Variants in DHX32 observed in about 807,000 individuals in gnomAD.
The protein encoded by DHX32 is DEAH-box helicase 32 (putative).
A neutral mutation model predicts 70.0 loss-of-function variants in DHX32; 51 were observed. The ratio of observed to expected loss-of-function variants is 0.73; its 90% CI spans 0.58 to 0.92. The LOEUF (loss-of-function observed/expected upper bound fraction) is 0.92. Ranked by LOEUF, DHX32 falls within the 40% of genes least tolerant of loss-of-function variation. The pLI, the probability that DHX32 is intolerant of heterozygous loss-of-function variation, is 0.00. For missense variants in DHX32, 762 were observed against 891.8 expected, an observed-to-expected ratio of 0.85 and a Z score of 1.85; for synonymous variants, 310 against 315.3, an observed-to-expected ratio of 0.98 and a Z score of 0.18.
chr10:125,891,497 T>C (rs1944370964), intron 1 of DHX32, among the ~76,000 whole-genome samples: 1 of 152,286 alleles, frequency 6.6e-6, no homozygotes. Flanking sequence ...CCCAGCACTT[T>C]GGAAGGCTGA....
chr10:125,866,465 G>A lies in DHX32; in HGVS notation c.476+525C>T, dbSNP rs1234127696. Among the ~76,000 whole-genome samples, 2 of 152,210 alleles carry A rather than the reference G, an allele frequency of 1.3e-5. No homozygotes were observed. Among genetic ancestry groups the A allele is most frequent in the Non-Finnish European group, 2.9e-5 (2 of 68,038 alleles). On this transcript the variant is annotated intron_variant, in intron 2 of 10. Transcript: ENST00000284690. This position sits in a 1 kb window ranked among gnomAD's most constrained non-coding sequence, Gnocchi z 4.8. ...CTGCTATGATGCAGGCTGACACCAA[G>A]TTTTCCAGAAGCCCCACAGAGGGTT...
At chr10:125,892,722 C>T (rs78179182) in intron 1 of DHX32, among the ~76,000 whole-genome samples, 1 of 152,254 alleles carries the variant, frequency 6.6e-6, no homozygotes, top group Non-Finnish European at 1.5e-5. Flanking sequence ...AAGTCAATAA[C>T]AGCCCTTTAT....
intron 6 of DHX32, 55 bp from the exon 7 acceptor site, chr10:125,841,989 A>G (rs993172333): frequency 5.4e-6 from 8 of 1,491,068 alleles, no homozygotes; most frequent in African/African-American, 1.4e-5. Flanking sequence ...AGATGGAGAA[A>G]CAGGTACTGG....
intron 1 of DHX32, among the ~76,000 whole-genome samples, chr10:125,879,308 A>G (rs1944303998): frequency 1.3e-5 from 2 of 151,946 alleles, no homozygotes; most frequent in Non-Finnish European, 2.9e-5. Flanking sequence ...ATAGGTGTGA[A>G]CCACTGCACC....
rs1342076219 is a variant in DHX32, at chr10:125,854,087, G to A, written c.966C>T (p.Leu322=). 20 of 1,613,658 alleles carry A rather than the reference G, an allele frequency of 1.2e-5. No homozygotes were observed. The highest frequency in any genetic ancestry group is 5.5e-5 in the South Asian group (5 of 91,062). ...CTTGGCATCTTTTTTCTGTTTCATCGAGTGGCTTGAACAATGAACATTTCT... is the reference window on the plus strand; with the variant it reads ...CTTGGCATCTTTTTTCTGTTTCATCAAGTGGCTTGAACAATGAACATTTCT... ...PKEKCSLFKP[L]DETEKRCQVY... The change falls in exon 4 of 11, where the codon CTC becomes CTT. Residue 322 remains leucine (L), a synonymous_variant. Coordinates refer to ENST00000284690, the MANE Select transcript of DHX32 (RefSeq NM_018180.3).
At chr10:125,842,142 C>T (rs1854899445) in intron 6 of DHX32, 3 of 668,760 alleles carry the variant, frequency 4.5e-6, no homozygotes, top group East Asian at 6.8e-5. Flanking sequence ...TTGTCCAGCT[C>T]ATGCTCCGAG....
chr10:125,865,923 T>G (rs1944217714), intron 2 of DHX32, among the ~76,000 whole-genome samples: 1 of 152,164 alleles, frequency 6.6e-6, no homozygotes. Flanking sequence ...TTACCGAACA[T>G]CCTCCTGGGG....
intron 4 of DHX32, among the ~76,000 whole-genome samples, chr10:125,852,934 G>C (rs773451806): frequency 1.3e-5 from 2 of 152,134 alleles, no homozygotes; most frequent in African/African-American, 2.4e-5. Context: ...CACTGTACTG[G>C]TGAATGATAA....
In DHX32 at chr10:125,840,383, C is replaced by G. The variant is rs2282438; in HGVS notation, c.1693+464G>C. ...CTCCGTCAGCAACTCTGCAGCCTCCCCTCAGCACCCCAGCCTACCTATTCT... is the reference window on the plus strand; with the variant it reads ...CTCCGTCAGCAACTCTGCAGCCTCCGCTCAGCACCCCAGCCTACCTATTCT... On this transcript the variant is annotated intron_variant, in intron 8 of 10. Coordinates refer to ENST00000284690, the MANE Select transcript of DHX32 (RefSeq NM_018180.3). Among the ~76,000 whole-genome samples the G allele has an allele frequency of 3.7e-4, 57 of 152,360 alleles. No individual in the cohort carries two copies. In the East Asian group the frequency reaches 8.3e-3, roughly 22 times the overall value.
chr10:125,890,785 T>C (rs527552757), intron 1 of DHX32: 1 of 152,196 alleles, frequency 6.6e-6, no homozygotes, highest in Non-Finnish European at 1.5e-5. Flanking sequence ...TTAAAAAAAT[T>C]TTAGGCTTGG....
intron 4 of DHX32, 60 bp downstream of exon 4, chr10:125,853,901 C>A: frequency 6.4e-7 from 1 of 1,560,904 alleles, no homozygotes; most frequent in Non-Finnish European, 8.6e-7. Flanking sequence ...TGGTAGGAAA[C>A]TGAGAAACTA....
At chr10:125,880,451 CTA>C (rs1944310257) in intron 1 of DHX32, 90 bp downstream of exon 1, 1 of 1,335,212 alleles carries the variant, frequency 7.5e-7, no homozygotes, top group Non-Finnish European at 1.0e-6. Context: ...GTTTTAGACA[CTA>C]TTATTAGAAC....
chr10:125,841,055 A>C, intron 7 of DHX32, 59 bp from the exon 8 acceptor site: 2 of 1,554,938 alleles, frequency 1.3e-6, no homozygotes, highest in Non-Finnish European at 1.7e-6. Context: ...TCTTAGCCTA[A>C]CATGCAGAGG....
Position 125,866,960 on chromosome 10 carries a change from C to A in DHX32, c.476+30G>T. The A allele has an allele frequency of 6.3e-7, 1 of 1,592,612 alleles. No homozygotes were observed. The highest frequency in any genetic ancestry group is 8.6e-7 in the Non-Finnish European group (1 of 1,167,026). On this transcript the variant is annotated intron_variant, in intron 2 of 10. Transcript: ENST00000284690. The surrounding 1 kb of genome is among the most constrained non-coding windows in gnomAD (Gnocchi z 4.8). Reference sequence around the variant, plus strand: ...TAGAACCTAAGCCAAGAATCATCAGCAGGGAGCGGACTGAACCCCACAAAC... The same window carrying A: ...TAGAACCTAAGCCAAGAATCATCAGAAGGGAGCGGACTGAACCCCACAAAC...
intron 1 of DHX32, among the ~76,000 whole-genome samples, chr10:125,878,718 T>C (rs1270342146): frequency 4.3e-4 from 66 of 151,774 alleles, no homozygotes; most frequent in Admixed American, 2.0e-3. Context: ...TTGTTTTCTT[T>C]TTTTTTTTGA....
rs371515062 is a variant in DHX32, at chr10:125,840,796, T to C, written c.1693+51A>G. ...AATAACTAATAAGGACTCAGACTTA[T>C]CTAGGGAAAGGAAGGTGGAATTAAT... On this transcript the variant is annotated intron_variant, in intron 8 of 10. Transcript: ENST00000284690. 510 of 1,521,076 alleles carry C rather than the reference T, an allele frequency of 3.4e-4. 1 individual carries two copies. The African/African-American group carries it at 6.6e-3, about 20-fold the overall frequency. The allele number at this position is 1,521,076 out of a possible 1,614,324, so 94.2% of individuals were successfully genotyped here.
chr10:125,857,411 C>T (rs1220807295), intron 3 of DHX32, among the ~76,000 whole-genome samples: 1 of 152,198 alleles, frequency 6.6e-6, no homozygotes, highest in Admixed American at 6.5e-5. Flanking sequence ...GGCTGTTGAG[C>T]CCCTGAACAA....
At chr10:125,876,138 C>T (rs1944282239) in intron 1 of DHX32, among the ~76,000 whole-genome samples, 1 of 152,212 alleles carries the variant, frequency 6.6e-6, no homozygotes, top group South Asian at 2.1e-4. Flanking sequence ...GGACTCAGCA[C>T]ATGAGGACTG....
At position 125,854,063 on chromosome 10, in the gene DHX32, T is replaced by C. The variant is rs1363574938; in HGVS notation, c.990A>G (p.Gln330=). 1 of 1,613,996 alleles carries C rather than the reference T, an allele frequency of 6.2e-7. No homozygotes were observed. Among genetic ancestry groups the C allele is most frequent in the East Asian group, 2.2e-5 (1 of 44,872 alleles). Residue 330 remains glutamine (Q), a synonymous_variant, in exon 4 of 11, where the codon CAA becomes CAG. Transcript: ENST00000284690. ...TTAACACCACTCTTCTTTGATAAAC[T>C]TGGCATCTTTTTTCTGTTTCATCGA... ...KPLDETEKRC[Q]VYQRRVVLTT...
Sources: gnomAD v4.1 joint callset for allele counts (sites outside exome capture counted in the v4.1 genomes callset) on GRCh38, gnomAD v4.1.1 for gene constraint, Gnocchi (gnomAD v3.1) non-coding constraint, MANE v1.5 for transcripts, NCBI Gene and HGNC (gene_info 2026-07-23, HGNC 2026-07-21) for gene names.